Variants in ACP3 observed in about 807,000 individuals in gnomAD.
ACP3 encodes the protein acid phosphatase 3, also known as prostatic acid phosphatase.
Under a neutral mutation model 45.6 loss-of-function variants are expected in ACP3, and 38 were observed. The observed-to-expected ratio is 0.83, with a 90% CI of 0.64 to 1.09. ACP3 has a LOEUF of 1.09. Among genes scored for constraint, ACP3 ranks in the 50% least tolerant of loss-of-function variants. The pLI is 0.00. For missense variants in ACP3, 466 were observed against 463.2 expected, an observed-to-expected ratio of 1.01 and a Z score of -0.05; for synonymous variants, 162 against 164.7, an observed-to-expected ratio of 0.98 and a Z score of 0.13.
At chr3:132,352,864 CT>C (rs1559841978) in intron 9 of ACP3, 41 bp downstream of exon 9, 6 of 1,394,806 alleles carry the variant, frequency 4.3e-6, no homozygotes, top group Non-Finnish European at 6.1e-6. Context: ...ATCACTGGAC[CT>C]TGGGTTTCAT....
Position 132,358,626 on chromosome 3 carries a change from T to A in ACP3, c.*1748T>A. On this transcript the variant is annotated 3_prime_UTR_variant, in exon 10 of 10. Transcript: ENST00000336375. ...ACAGAATGACTGACAAAGACATCGA[T>A]TGATATGCTTCTTTGTGTTATTTCC... The A allele has an allele frequency of 9.5e-7, 1 of 1,053,148 alleles. No individual in the cohort carries two copies. Among genetic ancestry groups the A allele is most frequent in the Non-Finnish European group, 1.2e-6 (1 of 863,410 alleles). The allele number at this position is 1,053,148 out of a possible 1,614,324, so 65.2% of individuals were successfully genotyped here.
intron 9 of ACP3, among the ~76,000 whole-genome samples, chr3:132,353,685 T>C (rs1445021161): frequency 1.3e-5 from 2 of 152,312 alleles, no homozygotes; most frequent in South Asian, 4.1e-4. Context: ...CCAACCTGAC[T>C]GTGCAGTTAC....
chr3:132,350,870 G>A (rs1000657589), intron 8 of ACP3, among the ~76,000 whole-genome samples: 2 of 152,208 alleles, frequency 1.3e-5, no homozygotes, highest in African/African-American at 4.8e-5. Flanking sequence ...ATAACTGGAT[G>A]TTGGGAACAG....
At position 132,349,961 on chromosome 3, in the gene ACP3, A is replaced by G. The variant is rs1248626232; in HGVS notation, c.823A>G (p.Thr275Ala). The G allele has an allele frequency of 1.9e-6, 3 of 1,612,958 alleles. No homozygotes were observed. Among genetic ancestry groups the G allele is most frequent in the Admixed American group, 1.7e-5 (1 of 59,990 alleles). Residue 275 changes from threonine to alanine, a missense_variant, in exon 8 of 10, where the codon ACT becomes GCT. By Grantham distance (58) the Thr-to-Ala change is moderately conservative (BLOSUM62 0). Coordinates refer to ENST00000336375, the MANE Select transcript of ACP3 (RefSeq NM_001099.5). ...AATCCTCAATCACATGAAGAGAGCAACTCAGATACCAAGCTACAAAAAACT... is the reference window on the plus strand; with the variant it reads ...AATCCTCAATCACATGAAGAGAGCAGCTCAGATACCAAGCTACAAAAAACT... ...NEILNHMKRATQIPSYKKLIM... is the reference protein window; with the variant it reads ...NEILNHMKRAAQIPSYKKLIM...
intron 10 of ACP3, chr3:132,367,677 A>T (rs1408362419): frequency 6.6e-7 from 1 of 1,522,772 alleles, no homozygotes; most frequent in South Asian, 1.1e-5. Context: ...TTAATTTTAC[A>T]TTAATACTTT....
chr3:132,334,163 T>A (rs1937451356), intron 4 of ACP3, among the ~76,000 whole-genome samples: 1 of 152,040 alleles, frequency 6.6e-6, no homozygotes, highest in African/African-American at 2.4e-5. Context: ...TAACAATTAA[T>A]CCTGAATGAT....
chr3:132,349,123 T>C (rs1410507515), intron 7 of ACP3, among the ~76,000 whole-genome samples: 1 of 151,608 alleles, frequency 6.6e-6, no homozygotes, highest in Non-Finnish European at 1.5e-5. Context: ...AACATGTCCT[T>C]AAAACAGGAT....
In ACP3 at chr3:132,357,916, T is replaced by C; in HGVS notation, c.*1038T>C. On this transcript the variant is annotated 3_prime_UTR_variant, in exon 10 of 10. Transcript: ENST00000336375. ...TGGGCATGGTGGTGTGTGCCTATAG[T>C]CCCACTACTTGTGGGGCTAAGGCAG... is the stretch of plus-strand genomic sequence containing the variant. 1 of 204,972 alleles carries C rather than the reference T, an allele frequency of 4.9e-6. No homozygotes were observed. Among genetic ancestry groups the C allele is most frequent in the Non-Finnish European group, 8.6e-6 (1 of 116,408 alleles). The allele number at this position is 204,972 out of a possible 1,614,324, so 12.7% of individuals were successfully genotyped here.
chr3:132,334,257 G>A (rs570562355), intron 4 of ACP3, among the ~76,000 whole-genome samples: 7 of 152,108 alleles, frequency 4.6e-5, no homozygotes, highest in Middle Eastern at 3.4e-3. Flanking sequence ...GAGAAAGAGA[G>A]AAGCAAGGAA....
chr3:132,342,564 A>G lies in ACP3; in HGVS notation c.568A>G (p.Thr190Ala), dbSNP rs959665839. Reference sequence around the variant, plus strand: ...GTTTGTGTTTCAGGATTTTATAGCTACCTTGGGAAAACTTTCAGGATTACA... The same window carrying G: ...GTTTGTGTTTCAGGATTTTATAGCTGCCTTGGGAAAACTTTCAGGATTACA... ...RLHPYKDFIATLGKLSGLHGQ... is the reference protein window; with the variant it reads ...RLHPYKDFIAALGKLSGLHGQ... The change falls in exon 6 of 10, where the codon ACC (threonine) becomes GCC (alanine). Residue 190 changes from threonine (T) to alanine (A), a missense_variant. By Grantham distance (58) the Thr-to-Ala change is moderately conservative. Coordinates refer to ENST00000336375, the MANE Select transcript of ACP3 (RefSeq NM_001099.5). The G allele has an allele frequency of 1.1e-5, 18 of 1,612,072 alleles. No individual in the cohort carries two copies. The highest frequency in any genetic ancestry group is 1.6e-4 in the Middle Eastern group (1 of 6,076).
At chr3:132,347,871 A>ACACACACACACACACACACC (rs766142673) in intron 7 of ACP3, among the ~76,000 whole-genome samples, 5 of 151,094 alleles carry the variant, frequency 3.3e-5, no homozygotes, top group African/African-American at 7.3e-5. Flanking sequence ...ACACACACAC[A>ACACACACACACACACACACC]CCAAAAAAAT....
At chr3:132,336,512 T>C (rs777711932) in intron 4 of ACP3, among the ~76,000 whole-genome samples, 22 of 152,160 alleles carry the variant, frequency 1.4e-4, no homozygotes, top group Non-Finnish European at 1.5e-5. Flanking sequence ...ATTCTGCCAC[T>C]AGCAAAAGCA....
chr3:132,361,325 A>C (rs1349369095), downstream of ACP3, among the ~76,000 whole-genome samples: 1 of 152,138 alleles, frequency 6.6e-6, no homozygotes, highest in African/African-American at 2.4e-5. Flanking sequence ...GTTTCTTGGA[A>C]TATATCTCAC....
intron 7 of ACP3, among the ~76,000 whole-genome samples, chr3:132,349,157 C>T (rs1385586339): frequency 6.6e-6 from 1 of 152,124 alleles, no homozygotes; most frequent in African/African-American, 2.4e-5. Context: ...ACAAGGTACC[C>T]CACAGCCCTC....
intron 4 of ACP3, among the ~76,000 whole-genome samples, chr3:132,334,777 G>T (rs1156943408): frequency 1.3e-5 from 2 of 152,194 alleles, no homozygotes; most frequent in Admixed American, 6.5e-5. Flanking sequence ...TAGCCAGGAG[G>T]AATCTTGAGT....
chr3:132,341,246 A>G (rs930106478), intron 5 of ACP3, among the ~76,000 whole-genome samples: 1 of 152,186 alleles, frequency 6.6e-6, no homozygotes, highest in Non-Finnish European at 1.5e-5. Context: ...TAATAAGCAT[A>G]CAGGCTTTTG....
chr3:132,326,946 G>A (rs984232152), intron 1 of ACP3, among the ~76,000 whole-genome samples: 1 of 152,176 alleles, frequency 6.6e-6, no homozygotes, highest in African/African-American at 2.4e-5. Flanking sequence ...TCATAAGATG[G>A]CTTTGTGTTT....
Position 132,358,357 on chromosome 3 carries a change from C to A in ACP3, c.*1479C>A, listed in dbSNP as rs1937964565. The A allele has an allele frequency of 4.3e-6, 5 of 1,169,248 alleles. No homozygotes were observed. The highest frequency in any genetic ancestry group is 4.4e-6 in the Non-Finnish European group (4 of 918,132). The allele number at this position is 1,169,248 out of a possible 1,614,324, so 72.4% of individuals were successfully genotyped here. ...GTGGTTACGAAATACGTTAGGAGGACAAAAGGAATGTGTAAGTCTTTAATG... is the reference window on the plus strand; with the variant it reads ...GTGGTTACGAAATACGTTAGGAGGAAAAAAGGAATGTGTAAGTCTTTAATG... On this transcript the variant is annotated 3_prime_UTR_variant, in exon 10 of 10. Coordinates refer to ENST00000336375, the MANE Select transcript of ACP3 (RefSeq NM_001099.5).
chr3:132,352,704 A>G lies in ACP3; in HGVS notation c.865-16A>G. The G allele has an allele frequency of 6.3e-7, 1 of 1,581,656 alleles. No homozygotes were observed. Among genetic ancestry groups the G allele is most frequent in the Middle Eastern group, 1.7e-4 (1 of 5,990 alleles). On this transcript the variant is annotated splice_polypyrimidine_tract_variant and intron_variant, in intron 8 of 9. Transcript: ENST00000336375. ...TGAATCTGAACAGGCGATAAAATTGATTTCAATCTCTGTAGCATGACACTA... is the reference window on the plus strand; with the variant it reads ...TGAATCTGAACAGGCGATAAAATTGGTTTCAATCTCTGTAGCATGACACTA...
Sources: allele counts gnomAD v4.1 joint callset (sites outside exome capture counted in the v4.1 genomes callset), GRCh38; gene constraint gnomAD v4.1.1; transcripts MANE v1.5; gene names NCBI Gene and HGNC (gene_info 2026-07-23, HGNC 2026-07-21).